Variants in TRPM3 observed in about 807,000 individuals in gnomAD.
TRPM3 encodes long transient receptor potential channel 3.
Under a neutral mutation model 181.2 loss-of-function variants are expected in TRPM3, and 77 were observed. That is an observed-to-expected ratio of 0.42 (90% CI 0.35 to 0.51). The LOEUF (loss-of-function observed/expected upper bound fraction) is 0.51, where lower values mean the gene tolerates loss of function less well. Ranked by LOEUF, TRPM3 falls within the 20% of genes least tolerant of loss-of-function variation. The probability of loss-of-function intolerance (pLI) is 0.01; values close to 1 mark genes in which losing one functional copy is unlikely to be tolerated. For missense variants in TRPM3, 1,759 were observed against 2,196.7 expected (o/e 0.80, Z 3.98); for synonymous variants, 745 against 796.4 (o/e 0.94, Z 1.09).
chr9:70,811,165 C>T (rs1234357350), intron 6 of TRPM3: 8 of 1,607,076 alleles, frequency 5.0e-6, no homozygotes, highest in South Asian at 2.2e-5. Context: ...ATTAATTATA[C>T]TTACCAACTG....
intron 1 of TRPM3, among the ~76,000 whole-genome samples, chr9:70,967,827 G>T (rs1034988822): frequency 4.6e-5 from 7 of 151,978 alleles, no homozygotes; most frequent in Admixed American, 6.6e-5. Context: ...CCTTTCTCTT[G>T]GGATATTTCA....
At chr9:70,921,972 CACAT>C (rs1340693144) in intron 1 of TRPM3, among the ~76,000 whole-genome samples, 10 of 151,678 alleles carry the variant, frequency 6.6e-5, no homozygotes, top group Admixed American at 2.0e-4. Context: ...CACACACACA[CACAT>C]ATAGTTATTT....
chr9:70,821,846 T>G (rs2093198274), intron 6 of TRPM3, among the ~76,000 whole-genome samples: 1 of 152,228 alleles, frequency 6.6e-6, no homozygotes, highest in African/African-American at 2.4e-5. Context: ...AATCCCAGAT[T>G]GATGCCTATT....
chr9:71,171,698 A>G (rs1449544014), intron 1 of TRPM3, among the ~76,000 whole-genome samples: 5 of 152,134 alleles, frequency 3.3e-5, no homozygotes, highest in Non-Finnish European at 7.4e-5. Context: ...GAGCTCAAAG[A>G]AGGCAACGTG....
chr9:71,233,656 AT>A (rs751748705), intron 1 of TRPM3, among the ~76,000 whole-genome samples: 1 of 152,234 alleles, frequency 6.6e-6, no homozygotes, highest in Non-Finnish European at 1.5e-5. Flanking sequence ...AAATGAGAAC[AT>A]TTATGTGAAA....
At chr9:71,064,451 T>C (rs2061675967) in intron 1 of TRPM3, among the ~76,000 whole-genome samples, 2 of 151,794 alleles carry the variant, frequency 1.3e-5, no homozygotes, top group Admixed American at 1.3e-4. Context: ...CAGTTTTACT[T>C]AATAGAGAGT....
intron 1 of TRPM3, among the ~76,000 whole-genome samples, chr9:71,232,079 A>G (rs774463825): frequency 2.0e-5 from 3 of 152,228 alleles, no homozygotes; most frequent in Admixed American, 6.5e-5. Flanking sequence ...ATAAACTACC[A>G]TCTTTTACAA....
chr9:71,170,853 T>C (rs1231804007), intron 1 of TRPM3, among the ~76,000 whole-genome samples: 7 of 152,114 alleles, frequency 4.6e-5, no homozygotes, highest in African/African-American at 1.7e-4. Context: ...ATAACAGCAA[T>C]TGTTCAGGGA....
chr9:71,028,589 C>T (rs1335465533), intron 1 of TRPM3, among the ~76,000 whole-genome samples: 1 of 147,076 alleles, frequency 6.8e-6, no homozygotes, highest in African/African-American at 2.5e-5. Context: ...CAATGACACA[C>T]ATAGGCTCAA....
intron 1 of TRPM3, among the ~76,000 whole-genome samples, chr9:70,956,961 CTTTT>C (rs747544684): frequency 1.5e-5 from 2 of 137,388 alleles, no homozygotes; most frequent in Non-Finnish European, 1.6e-5. Flanking sequence ...TTCTTTCTTT[CTTTT>C]TTTTTTTTTT....
At chr9:71,060,207 C>T (rs1252082881) in intron 1 of TRPM3, among the ~76,000 whole-genome samples, 1 of 152,004 alleles carries the variant, frequency 6.6e-6, no homozygotes, top group Non-Finnish European at 1.5e-5. Flanking sequence ...TCCCAGGGAC[C>T]AGCTTTCTAC....
In TRPM3 at chr9:70,635,100, C is replaced by T. The variant is rs530161934; in HGVS notation, c.1632+111G>A. On this transcript the variant is annotated intron_variant, in intron 12 of 25. Coordinates refer to ENST00000677713, the MANE Select transcript of TRPM3 (RefSeq NM_001366145.2). ...ACACACACTGTTCTGAAATGAGTGG[C>T]GCCTGATAGGGACAGGAATACTCTG... 321 of 827,128 alleles carry T rather than the reference C, an allele frequency of 3.9e-4. 4 individuals carry two copies. Among genetic ancestry groups the T allele is most frequent in the Middle Eastern group, 6.0e-4 (2 of 3,344 alleles). 51.2% of individuals were successfully genotyped at this position (827,128 alleles called of 1,614,324 possible).
At chr9:70,757,308 C>T (rs1687512307) in intron 8 of TRPM3, among the ~76,000 whole-genome samples, 2 of 152,136 alleles carry the variant, frequency 1.3e-5, no homozygotes, top group Non-Finnish European at 2.9e-5. Context: ...CCTGAATAGA[C>T]CAAAAACAAG....
rs770355335 is a variant in TRPM3, at chr9:70,537,090, G to A, written c.4023C>T (p.Thr1341=). Residue 1341 remains threonine, a synonymous_variant, in exon 26 of 26, where the codon ACC becomes ACT. Transcript: ENST00000677713. ...GEETMSPTSP[T]LMPRMRSHSF... is the part of the protein sequence containing the mutation. ...AATGGCTTCGCATACGGGGCATTAAGGTTGGAGAAGTTGGGGACATGGTCT... is the reference window on the plus strand; with the variant it reads ...AATGGCTTCGCATACGGGGCATTAAAGTTGGAGAAGTTGGGGACATGGTCT... 6.8e-6 allele frequency: 11 copies of A among 1,610,016 alleles called. No homozygotes were observed. Among genetic ancestry groups the A allele is most frequent in the Admixed American group, 3.3e-5 (2 of 59,940 alleles).
chr9:71,157,390 G>A (rs1011315457), intron 1 of TRPM3, among the ~76,000 whole-genome samples: 1 of 151,894 alleles, frequency 6.6e-6, no homozygotes, highest in Admixed American at 6.6e-5. Flanking sequence ...AATTCCAAAG[G>A]CTATAGCTAT....
intron 7 of TRPM3, among the ~76,000 whole-genome samples, chr9:70,770,219 T>G (rs2079954428): frequency 6.6e-6 from 1 of 152,184 alleles, no homozygotes; most frequent in African/African-American, 2.4e-5. Flanking sequence ...GTGAACTGGC[T>G]GCCCAACTCA....
At chr9:70,917,361 G>A in intron 1 of TRPM3, 1 of 1,023,350 alleles carries the variant, frequency 9.8e-7, no homozygotes, top group Non-Finnish European at 1.6e-6. Flanking sequence ...AAGTCCAAGA[G>A]TGAAAGGCCT....
chr9:70,966,145 A>G (rs759619460), intron 1 of TRPM3, among the ~76,000 whole-genome samples: 17 of 152,108 alleles, frequency 1.1e-4, no homozygotes, highest in Admixed American at 3.3e-4. Context: ...ATATGAAAAA[A>G]AGCTCAACAT....
At chr9:70,610,567 T>C in intron 19 of TRPM3, 42 bp downstream of exon 19, 3 of 1,600,392 alleles carry the variant, frequency 1.9e-6, no homozygotes, top group Non-Finnish European at 2.6e-6. Context: ...CGTTGGCTCC[T>C]TGTGGCCATC....
Sources: allele counts gnomAD v4.1 joint callset (sites outside exome capture counted in the v4.1 genomes callset), GRCh38; gene constraint gnomAD v4.1.1; transcripts MANE v1.5; gene names NCBI Gene and HGNC (gene_info 2026-07-23, HGNC 2026-07-21).